The following NME7 variants were observed in gnomAD, a reference collection of about 807,000 sequenced individuals.
NME7 encodes NME/NM23 family member 7.
Under a neutral mutation model 49.1 loss-of-function variants are expected in NME7, and 41 were observed. That is an observed-to-expected ratio of 0.83 (90% CI 0.65 to 1.08). The LOEUF is 1.08. NME7 is among the 50% of genes least tolerant of loss of function. The pLI, the probability that NME7 is intolerant of heterozygous loss-of-function variation, is 0.00. For synonymous variants in NME7, 139 were observed against 150.6 expected (o/e 0.92, Z 0.56); for missense variants, 423 against 463.4 (o/e 0.91, Z 0.80).
chr1:169,186,452 G>C (rs1467353405), intron 10 of NME7, among the ~76,000 whole-genome samples: 1 of 152,086 alleles, frequency 6.6e-6, no homozygotes, highest in East Asian at 1.9e-4. Context: ...ACTTGTTATT[G>C]GTCTATTCAG....
chr1:169,226,551 A>G (rs2101813417), intron 10 of NME7, among the ~76,000 whole-genome samples: 1 of 152,276 alleles, frequency 6.6e-6, no homozygotes, highest in East Asian at 1.9e-4. Flanking sequence ...GAAAACCCCC[A>G]TCAAAGGCAT....
chr1:169,277,848 C>T (rs1478656877), intron 7 of NME7, among the ~76,000 whole-genome samples: 8 of 137,234 alleles, frequency 5.8e-5, no homozygotes, highest in East Asian at 3.8e-4. Context: ...CCATGTTTAG[C>T]GCTTCCTTCA....
At chr1:169,356,733 A>G (rs1653479535) in intron 1 of NME7, among the ~76,000 whole-genome samples, 1 of 152,162 alleles carries the variant, frequency 6.6e-6, no homozygotes, top group Non-Finnish European at 1.5e-5. Context: ...TGTACAGGAC[A>G]CTAGGCTGAA....
intron 10 of NME7, among the ~76,000 whole-genome samples, chr1:169,183,211 T>A (rs1260958906): frequency 1.3e-5 from 2 of 152,228 alleles, no homozygotes; most frequent in East Asian, 3.8e-4. Flanking sequence ...AAATGACTTT[T>A]CCAGTTGAGA....
At chr1:169,183,780 C>T (rs974952429) in intron 10 of NME7, among the ~76,000 whole-genome samples, 3 of 150,926 alleles carry the variant, frequency 2.0e-5, no homozygotes, top group African/African-American at 7.3e-5. Flanking sequence ...CCAGCCTAGG[C>T]GACAGAGCGA....
At chr1:169,234,194 T>C (rs1300985575) in intron 9 of NME7, among the ~76,000 whole-genome samples, 1 of 152,188 alleles carries the variant, frequency 6.6e-6, no homozygotes, top group African/African-American at 2.4e-5. Flanking sequence ...AAAACAACCT[T>C]TCTGTTTCCT....
intron 7 of NME7, among the ~76,000 whole-genome samples, chr1:169,252,405 G>A (rs1275118725): frequency 6.6e-6 from 1 of 152,038 alleles, no homozygotes; most frequent in Non-Finnish European, 1.5e-5. Flanking sequence ...TTTTGATGGG[G>A]TTGTTTGTTT....
chr1:169,264,880 A>C (rs1300692323), intron 7 of NME7, among the ~76,000 whole-genome samples: 1 of 133,744 alleles, frequency 7.5e-6, no homozygotes, highest in East Asian at 2.0e-4. Flanking sequence ...GTAATTTATA[A>C]AGGAAAGAAG....
chr1:169,297,193 C>T lies in NME7; in HGVS notation c.648+1363G>A, dbSNP rs141001800. Among the ~76,000 whole-genome samples, 178 of 152,162 alleles carry T rather than the reference C, an allele frequency of 1.2e-3. 3 individuals carry two copies. The East Asian group carries it at 0.031, about 26-fold the overall frequency. ...TTTACCATATTGGCCAGGCTGGTCT[C>T]GAACTCCTGGCCTCAAATGATCTGC... On this transcript the variant is annotated intron_variant, in intron 6 of 11. Transcript: ENST00000367811.
At chr1:169,156,362 G>GA (rs34194554) in intron 11 of NME7, among the ~76,000 whole-genome samples, 59,831 of 151,606 alleles carry the variant, frequency 0.39, 12,148 homozygotes, top group East Asian at 0.74. Flanking sequence ...GCTACTGTTT[G>GA]AGAACCATTT....
rs372030689 is a variant in NME7, at chr1:169,313,309, A to G, written c.279-3229T>C. ...GAAAATCTGAACTTTGATTTGCAGT[A>G]CATCATTGGGAAAGGGTAACAGAAC... On this transcript the variant is annotated intron_variant, in intron 3 of 11. Transcript: ENST00000367811. 3.9e-5 allele frequency among the ~76,000 whole-genome samples: 6 copies of G among 152,194 alleles called. No homozygotes were observed. In the East Asian group the frequency reaches 7.7e-4, roughly 20 times the overall value.
intron 11 of NME7, among the ~76,000 whole-genome samples, chr1:169,134,359 G>A (rs1221559849): frequency 1.3e-5 from 2 of 152,032 alleles, no homozygotes; most frequent in Non-Finnish European, 2.9e-5. Flanking sequence ...ATGGGTGTAG[G>A]GACAGTGCCA....
chr1:169,325,417 GGTTGCCTGTA>G (rs1652024343), intron 1 of NME7, among the ~76,000 whole-genome samples: 1 of 152,044 alleles, frequency 6.6e-6, no homozygotes, highest in African/African-American at 2.4e-5. Flanking sequence ...TGGTCACTTA[GGTTGCCTGTA>G]GTTGGAGGTC....
At chr1:169,138,051 C>A (rs900271928) in intron 11 of NME7, among the ~76,000 whole-genome samples, 1 of 152,218 alleles carries the variant, frequency 6.6e-6, no homozygotes, top group Non-Finnish European at 1.5e-5. Context: ...TGGCTCATGC[C>A]TGTAATCCCA....
chr1:169,274,724 A>T (rs1473278497), intron 7 of NME7, among the ~76,000 whole-genome samples: 1 of 133,684 alleles, frequency 7.5e-6, no homozygotes. Flanking sequence ...TAAATAGGGA[A>T]TCCTTTTCCC....
In NME7 at chr1:169,268,201, T is replaced by C. The variant is rs558654390; in HGVS notation, c.754+19102A>G. Among the ~76,000 whole-genome samples, 5 of 133,880 alleles carry C rather than the reference T, an allele frequency of 3.7e-5. 1 individual carries two copies. The highest frequency in any genetic ancestry group is 3.6e-4 in the Admixed American group (5 of 13,750). The allele number at this position is 133,880 out of a possible 152,430, so 87.8% of individuals were successfully genotyped here. On this transcript the variant is annotated intron_variant, in intron 7 of 11. Transcript: ENST00000367811. Reference sequence around the variant, plus strand: ...ACCATGAAAAAAAGCTCAATATCACTGATCATTAGAGAAATGCAAATCAAA... The same window carrying C: ...ACCATGAAAAAAAGCTCAATATCACCGATCATTAGAGAAATGCAAATCAAA...
intron 8 of NME7, 121 bp from the exon 9 acceptor site, chr1:169,235,320 T>C (rs946008311): frequency 2.0e-6 from 1 of 502,026 alleles, no homozygotes; most frequent in Non-Finnish European, 3.5e-6. Flanking sequence ...AAACTTTACA[T>C]AGATTACTCT....
chr1:169,360,806 T>A (rs1199793326), intron 1 of NME7, among the ~76,000 whole-genome samples: 1 of 152,204 alleles, frequency 6.6e-6, no homozygotes, highest in Admixed American at 6.5e-5. Flanking sequence ...ATTTTCCTCA[T>A]AGTACTTATC....
At chr1:169,186,880 G>C (rs895262479) in intron 10 of NME7, among the ~76,000 whole-genome samples, 1 of 152,036 alleles carries the variant, frequency 6.6e-6, no homozygotes, top group East Asian at 1.9e-4. Context: ...TTTCTGATGT[G>C]GGCATTTAGT....
Sources: allele counts gnomAD v4.1 joint callset (sites outside exome capture counted in the v4.1 genomes callset), GRCh38; gene constraint gnomAD v4.1.1; transcripts MANE v1.5; gene names NCBI Gene and HGNC (gene_info 2026-07-23, HGNC 2026-07-21).